SLC1A7: variants seen among roughly 807,000 people sequenced by gnomAD.
SLC1A7 encodes solute carrier family 1 member 7, also known as excitatory amino acid transporter 5.
In SLC1A7, 40 loss-of-function variants were observed where a neutral mutation model predicts 47.7. The ratio of observed to expected loss-of-function variants is 0.84; its 90% confidence interval spans 0.65 to 1.09. The LOEUF (loss-of-function observed/expected upper bound fraction) is 1.09, where lower values mean the gene tolerates loss of function less well. SLC1A7 is among the 50% of genes least tolerant of loss of function. The pLI is 0.00. For synonymous variants in SLC1A7, 323 were observed against 325.6 expected (o/e 0.99, Z 0.09); for missense variants, 746 against 769.5 (o/e 0.97, Z 0.36).
chr1:53,092,815 G>A, intron 6 of SLC1A7, 28 bp from the exon 7 acceptor site: 2 of 1,491,800 alleles, frequency 1.3e-6, no homozygotes, highest in Non-Finnish European at 1.9e-6. Flanking sequence ...GCCAGGCTCA[G>A]GAACCAGGCA....
rs1298106866 is a variant in SLC1A7, at chr1:53,136,654, A to T, written c.136-2225T>A. Among the ~76,000 whole-genome samples the T allele has an allele frequency of 1.6e-4, 7 of 43,714 alleles. No homozygotes were observed. The Admixed American group carries it at 2.2e-3, about 13-fold the overall frequency. 28.7% of individuals were successfully genotyped at this position (43,714 alleles called of 152,430 possible). On this transcript the variant is annotated intron_variant, in intron 1 of 10. Transcript: ENST00000371494. ...TAATATATAAAAACATATATATATT[A>T]TATATATATATATTTTTTTTTTTTT...
intron 3 of SLC1A7, among the ~76,000 whole-genome samples, chr1:53,109,940 A>G (rs1402202051): frequency 6.6e-6 from 1 of 152,172 alleles, no homozygotes; most frequent in African/African-American, 2.4e-5. Flanking sequence ...TGCTCCTCCC[A>G]GGGCACCCCA....
intron 3 of SLC1A7, among the ~76,000 whole-genome samples, chr1:53,109,359 A>C (rs939833474): frequency 6.6e-6 from 1 of 152,194 alleles, no homozygotes; most frequent in South Asian, 2.1e-4. Context: ...TCGAAAAAAA[A>C]GAGAAGGGGC....
chr1:53,141,916 T>C (rs375631008), intron 1 of SLC1A7, among the ~76,000 whole-genome samples: 1 of 152,176 alleles, frequency 6.6e-6, no homozygotes, highest in African/African-American at 2.4e-5. Context: ...TGGCATCTGC[T>C]GTCACCTCTG....
intron 3 of SLC1A7, among the ~76,000 whole-genome samples, chr1:53,114,170 G>T (rs1644729945): frequency 6.6e-6 from 1 of 152,284 alleles, no homozygotes; most frequent in South Asian, 2.1e-4. Context: ...AGGGGACCCG[G>T]GGAAAGGGAG....
chr1:53,096,653 C>T (rs1192767600), intron 5 of SLC1A7, among the ~76,000 whole-genome samples: 1 of 151,476 alleles, frequency 6.6e-6, no homozygotes, highest in East Asian at 1.9e-4. Context: ...TACACTCACA[C>T]ATCCACACAC....
chr1:53,094,849 G>C lies in SLC1A7; in HGVS notation c.698-1289C>G, dbSNP rs564729660. Among the ~76,000 whole-genome samples the C allele has an allele frequency of 2.6e-5, 4 of 152,368 alleles. No individual in the cohort carries two copies. In the East Asian group the frequency reaches 7.7e-4, roughly 29 times the overall value. ...GGGAGCCAGTGTGCATGGAACCCTA[G>C]TGTGGCACGGGGGCTCCCTCACGGC... is the stretch of plus-strand genomic sequence containing the variant. On this transcript the variant is annotated intron_variant, in intron 5 of 10. Transcript: ENST00000371494.
intron 1 of SLC1A7, among the ~76,000 whole-genome samples, chr1:53,140,573 A>G (rs1444329689): frequency 6.6e-6 from 1 of 152,202 alleles, no homozygotes; most frequent in Non-Finnish European, 1.5e-5. Flanking sequence ...GCGGGGTTAC[A>G]GTTACTTTCA....
chr1:53,108,245 T>C, intron 3 of SLC1A7: 1 of 273,406 alleles, frequency 3.7e-6, no homozygotes, highest in Non-Finnish European at 6.9e-6. Flanking sequence ...CCACTCACTC[T>C]TGTCCTCGGT....
intron 1 of SLC1A7, among the ~76,000 whole-genome samples, chr1:53,137,721 G>A (rs868854029): frequency 2.0e-5 from 3 of 152,168 alleles, no homozygotes; most frequent in Non-Finnish European, 2.9e-5. Flanking sequence ...ATTTTAACAT[G>A]TCTACTAAAC....
chr1:53,107,457 A>G (rs1453909721), intron 3 of SLC1A7, among the ~76,000 whole-genome samples: 1 of 152,210 alleles, frequency 6.6e-6, no homozygotes, highest in Non-Finnish European at 1.5e-5. Flanking sequence ...AACGTACCCT[A>G]GTTATGTAAA....
At chr1:53,124,628 G>A (rs1054197750) in intron 2 of SLC1A7, among the ~76,000 whole-genome samples, 6 of 150,770 alleles carry the variant, frequency 4.0e-5, no homozygotes, top group African/African-American at 1.5e-4. Context: ...GGGCCATAAT[G>A]GGCCACACAC....
chr1:53,129,314 T>G (rs1411038339), intron 2 of SLC1A7, among the ~76,000 whole-genome samples: 1 of 152,222 alleles, frequency 6.6e-6, no homozygotes, highest in African/African-American at 2.4e-5. Flanking sequence ...TCCCACTTTA[T>G]AGATAAGGAC....
intron 2 of SLC1A7, among the ~76,000 whole-genome samples, chr1:53,133,442 G>C (rs151023625): frequency 9.2e-4 from 140 of 152,202 alleles, no homozygotes; most frequent in Middle Eastern, 6.8e-3. Flanking sequence ...CTTCACAAAG[G>C]GGGGAGGTCC....
At chr1:53,091,200 G>C (rs1345159690) in intron 7 of SLC1A7, among the ~76,000 whole-genome samples, 1 of 152,204 alleles carries the variant, frequency 6.6e-6, no homozygotes, top group Non-Finnish European at 1.5e-5. Flanking sequence ...AAAAGACCTG[G>C]GTCACAGAGC....
At chr1:53,092,866 C>T (rs910259163) in intron 6 of SLC1A7, 79 bp from the exon 7 acceptor site, 39 of 949,448 alleles carry the variant, frequency 4.1e-5, no homozygotes, top group Non-Finnish European at 6.6e-5. Context: ...CGCTGCGCGG[C>T]CTTCCCCCTG....
In SLC1A7 at chr1:53,089,464, G is replaced by A. The variant is rs144808113; in HGVS notation, c.1361+336C>T. ...TTTTCTAATTTTTAGTAGAGATGGG[G>A]ATTTTACTGTGTTGCCCAGGCTGGG... is the stretch of plus-strand genomic sequence containing the variant. On this transcript the variant is annotated intron_variant, in intron 9 of 10. Transcript: ENST00000371494. Among the ~76,000 whole-genome samples, 51 of 152,266 alleles carry A rather than the reference G, an allele frequency of 3.3e-4. No homozygotes were observed. The East Asian group carries it at 9.7e-3, about 29-fold the overall frequency.
chr1:53,138,834 C>T (rs529376085), intron 1 of SLC1A7, among the ~76,000 whole-genome samples: 89 of 152,074 alleles, frequency 5.9e-4, no homozygotes, highest in Non-Finnish European at 1.1e-3. Flanking sequence ...TATCTTAGTT[C>T]TTCTATTTTT....
chr1:53,113,743 A>T (rs1401470614), intron 3 of SLC1A7, among the ~76,000 whole-genome samples: 1 of 152,046 alleles, frequency 6.6e-6, no homozygotes, highest in Non-Finnish European at 1.5e-5. Context: ...TTAGGATGCA[A>T]CTTAGCTTTT....
Sources: allele counts gnomAD v4.1 joint callset (sites outside exome capture counted in the v4.1 genomes callset), GRCh38; gene constraint gnomAD v4.1.1; transcripts MANE v1.5; gene names NCBI Gene and HGNC (gene_info 2026-07-23, HGNC 2026-07-21).